GRID2: variants seen among roughly 807,000 people sequenced by gnomAD.
The protein encoded by GRID2 is glutamate receptor ionotropic, delta-2.
A neutral mutation model predicts 114.8 loss-of-function variants in GRID2; 33 were observed. The observed-to-expected ratio is 0.29, with a 90% CI of 0.22 to 0.38. The LOEUF (loss-of-function observed/expected upper bound fraction) is 0.38, where lower values mean the gene tolerates loss of function less well. Among genes scored for constraint, GRID2 ranks in the 10% least tolerant of loss-of-function variants. The pLI is 1.00. For synonymous variants in GRID2, 505 were observed against 449.9 expected (o/e 1.12, Z -1.55); for missense variants, 1,184 against 1,257.7 (o/e 0.94, Z 0.89).
chr4:92,661,872 A>G (rs2149269648), intron 2 of GRID2, among the ~76,000 whole-genome samples: 1 of 151,202 alleles, frequency 6.6e-6, no homozygotes, highest in East Asian at 1.9e-4. Flanking sequence ...GTAAATGCAT[A>G]TTTCTAATTC....
rs1328140171 is a variant in GRID2 at position 93,021,016 on chromosome 4, G to A, written c.245-63979G>A. 6.0e-5 allele frequency among the ~76,000 whole-genome samples: 9 copies of A among 149,810 alleles called. No homozygotes were observed. In the Admixed American group the frequency reaches 6.0e-4, roughly 10 times the overall value. On this transcript the variant is annotated intron_variant, in intron 2 of 15. Transcript: ENST00000282020. ...CCATTGCATTCCAGCCTGGGTGACA[G>A]AGCGAGAATTTGTCTCAAAAAAAAA...
chr4:92,537,950 A>G (rs1725736196), intron 1 of GRID2, among the ~76,000 whole-genome samples: 1 of 152,110 alleles, frequency 6.6e-6, no homozygotes, highest in Admixed American at 6.6e-5. Flanking sequence ...TCTCTATAAG[A>G]AAATGTTATC....
In GRID2 at chr4:92,880,131, T is replaced by C. The variant is rs558315280; in HGVS notation, c.245-204864T>C. On this transcript the variant is annotated intron_variant, in intron 2 of 15. Transcript: ENST00000282020. ...CTCAAGTCAGGCTAACTCTGCAAAC[T>C]GTGTTTATTCCCGTTCTGTGATAAT... Among the ~76,000 whole-genome samples the C allele has an allele frequency of 7.9e-5, 12 of 152,274 alleles. No individual in the cohort carries two copies. The South Asian group carries it at 2.5e-3, about 32-fold the overall frequency.
chr4:93,510,983 C>A (rs980464471), intron 12 of GRID2, among the ~76,000 whole-genome samples: 1 of 152,064 alleles, frequency 6.6e-6, no homozygotes, highest in African/African-American at 2.4e-5. Flanking sequence ...GTTGCCAAAA[C>A]TGGAGTGCGG....
At chr4:93,653,213 A>G (rs1195370149) in intron 14 of GRID2, among the ~76,000 whole-genome samples, 2 of 152,172 alleles carry the variant, frequency 1.3e-5, no homozygotes, top group Non-Finnish European at 2.9e-5. Context: ...TAAAGGAACA[A>G]TGTGAGAACA....
chr4:92,771,434 T>A (rs1738542804), intron 2 of GRID2, among the ~76,000 whole-genome samples: 1 of 152,158 alleles, frequency 6.6e-6, no homozygotes, highest in Admixed American at 6.6e-5. Context: ...TTCTTTCTGT[T>A]ATCCTACATT....
At chr4:93,263,820 C>G (rs939087645) in intron 8 of GRID2, among the ~76,000 whole-genome samples, 9 of 152,060 alleles carry the variant, frequency 5.9e-5, no homozygotes, top group African/African-American at 2.4e-5. Flanking sequence ...TTTTATCCTT[C>G]GAAAGCAGGC....
intron 1 of GRID2, among the ~76,000 whole-genome samples, chr4:92,408,341 T>G (rs1240906719): frequency 1.3e-5 from 2 of 151,846 alleles, no homozygotes; most frequent in Non-Finnish European, 2.9e-5. Flanking sequence ...TTATGGTTAA[T>G]GTAGCCTTAC....
intron 2 of GRID2, among the ~76,000 whole-genome samples, chr4:92,771,571 C>T: frequency 6.6e-6 from 1 of 152,140 alleles, no homozygotes; most frequent in East Asian, 1.9e-4. Flanking sequence ...ATGAGAGTTG[C>T]CTTTCAAATG....
intron 12 of GRID2, among the ~76,000 whole-genome samples, chr4:93,505,655 G>A (rs1407880386): frequency 7.4e-5 from 11 of 147,908 alleles, no homozygotes; most frequent in Non-Finnish European, 1.6e-4. Context: ...ATCTAAAATG[G>A]CCTTTCATGG....
chr4:93,421,352 A>G (rs1393727685), intron 9 of GRID2, among the ~76,000 whole-genome samples: 1 of 152,192 alleles, frequency 6.6e-6, no homozygotes, highest in Non-Finnish European at 1.5e-5. Context: ...TTAGAGAAGA[A>G]GAGAACTCCT....
intron 1 of GRID2, among the ~76,000 whole-genome samples, chr4:92,446,870 T>C (rs900279600): frequency 1.3e-5 from 2 of 152,228 alleles, no homozygotes; most frequent in African/African-American, 4.8e-5. Context: ...TTTTACCTGA[T>C]AACCTTCGAA....
intron 2 of GRID2, among the ~76,000 whole-genome samples, chr4:92,647,727 A>G (rs1311081426): frequency 1.3e-5 from 2 of 149,962 alleles, no homozygotes; most frequent in East Asian, 3.9e-4. Flanking sequence ...GAAAATAAAA[A>G]GAAATCTTAT....
In GRID2 at chr4:93,328,843, C is replaced by T. The variant is rs114934345; in HGVS notation, c.1246-66764C>T. ...TATACAGGATTACAGATTTGAAAGGCATGAATTCATCAATCATTCATTGGA... is the reference window on the plus strand; with the variant it reads ...TATACAGGATTACAGATTTGAAAGGTATGAATTCATCAATCATTCATTGGA... On this transcript the variant is annotated intron_variant, in intron 8 of 15. Transcript: ENST00000282020. Among the ~76,000 whole-genome samples the T allele has an allele frequency of 8.5e-3, 1,296 of 152,110 alleles. 19 individuals carry two copies. The highest frequency in any genetic ancestry group is 0.017 in the Middle Eastern group (5 of 294).
chr4:93,656,687 A>G (rs374959656), intron 14 of GRID2, among the ~76,000 whole-genome samples: 7,616 of 120,948 alleles, frequency 0.063, 443 homozygotes, highest in Middle Eastern at 0.18. Flanking sequence ...AAAATTAGCC[A>G]GGCATGGTGG....
At chr4:92,408,748 G>A (rs6849230) in intron 1 of GRID2, among the ~76,000 whole-genome samples, 9,778 of 151,796 alleles carry the variant, frequency 0.064, 420 homozygotes, top group African/African-American at 0.12. Context: ...TATGATAAAT[G>A]GGATTGTGTT....
chr4:93,054,621 A>G (rs13135367), intron 2 of GRID2, among the ~76,000 whole-genome samples: 61,421 of 151,754 alleles, frequency 0.4, 12,818 homozygotes, highest in Admixed American at 0.52. Flanking sequence ...ATTTAAATGT[A>G]AGCACATGCT....
At chr4:92,790,388 C>T (rs532690438) in intron 2 of GRID2, among the ~76,000 whole-genome samples, 6 of 151,690 alleles carry the variant, frequency 4.0e-5, no homozygotes, top group Non-Finnish European at 7.4e-5. Context: ...ACTTATGTTC[C>T]TTCAACATTA....
chr4:93,715,282 C>T (rs1458265196), intron 14 of GRID2, among the ~76,000 whole-genome samples: 14 of 152,028 alleles, frequency 9.2e-5, no homozygotes, highest in Admixed American at 8.5e-4. Context: ...TTTGTTCCAT[C>T]GGTCTATGTG....
Sources: allele counts gnomAD v4.1 joint callset (sites outside exome capture counted in the v4.1 genomes callset), GRCh38; gene constraint gnomAD v4.1.1; transcripts MANE v1.5; gene names NCBI Gene and HGNC (gene_info 2026-07-23, HGNC 2026-07-21).